Variants in AGBL1 observed in about 807,000 individuals in gnomAD.
AGBL1 encodes cytosolic carboxypeptidase 4.
Under a neutral mutation model 118.9 loss-of-function variants are expected in AGBL1, and 130 were observed. The observed-to-expected ratio is 1.09, with a 90% CI of 0.95 to 1.26. AGBL1 has a LOEUF of 1.26. Ranked by LOEUF, AGBL1 falls within the 50% of genes most tolerant of loss-of-function variation. The pLI is 0.00. For synonymous variants in AGBL1, 555 were observed against 478.9 expected (o/e 1.16, Z -2.08); for missense variants, 1,584 against 1,298.1 (o/e 1.22, Z -3.38).
At chr15:86,393,840 T>C (rs2081323521) in intron 17 of AGBL1, among the ~76,000 whole-genome samples, 2 of 152,060 alleles carry the variant, frequency 1.3e-5, no homozygotes, top group Non-Finnish European at 1.5e-5. Flanking sequence ...CCTTTGGAAG[T>C]TGATTAGGTC....
intron 3 of AGBL1, among the ~76,000 whole-genome samples, chr15:86,153,925 C>T (rs6496309): frequency 0.13 from 19,250 of 152,110 alleles, 1,492 homozygotes; most frequent in East Asian, 0.23. Context: ...TACATAATCA[C>T]AATACCATTA....
rs141702782 is a variant in AGBL1 at position 86,437,401 on chromosome 15, C to T, written c.2555+39855C>T. ...AGGAGGCACTGCTCCTGCTTCAGAGCTCCATTATGTTACCATTATGAGACA... is the reference window on the plus strand; with the variant it reads ...AGGAGGCACTGCTCCTGCTTCAGAGTTCCATTATGTTACCATTATGAGACA... On this transcript the variant is annotated intron_variant, in intron 18 of 22. Coordinates refer to ENST00000614907, the MANE Select transcript of AGBL1 (RefSeq NM_001386094.1). Among the ~76,000 whole-genome samples the T allele has an allele frequency of 3.5e-4, 53 of 152,270 alleles. No homozygotes were observed. The East Asian group carries it at 8.9e-3, about 26-fold the overall frequency.
chr15:86,459,991 A>C (rs75888586), intron 18 of AGBL1, among the ~76,000 whole-genome samples: 3,428 of 152,166 alleles, frequency 0.023, 52 homozygotes, highest in Middle Eastern at 0.082. Flanking sequence ...ATTGATGGCA[A>C]AATCTTCCTG....
chr15:86,280,408 C>T (rs1386888641), intron 16 of AGBL1, among the ~76,000 whole-genome samples: 1 of 152,154 alleles, frequency 6.6e-6, no homozygotes, highest in East Asian at 1.9e-4. Flanking sequence ...GTTAGCATTC[C>T]TGTGTACCAT....
downstream of AGBL1, among the ~76,000 whole-genome samples, chr15:86,918,272 G>A (rs375273937): frequency 4.6e-5 from 7 of 152,180 alleles, no homozygotes; most frequent in Non-Finnish European, 1.0e-4. Flanking sequence ...AACAAAGTCT[G>A]GGAGATAGTT....
chr15:86,450,616 T>C (rs1295142730), intron 18 of AGBL1, among the ~76,000 whole-genome samples: 1 of 152,200 alleles, frequency 6.6e-6, no homozygotes, highest in Non-Finnish European at 1.5e-5. Flanking sequence ...ACTACTACTA[T>C]TTAAGAATAG....
downstream of AGBL1, among the ~76,000 whole-genome samples, chr15:87,031,216 CATTTTTTTCCTT>C (rs2081779353): frequency 6.6e-6 from 1 of 151,890 alleles, no homozygotes; most frequent in Non-Finnish European, 1.5e-5. Flanking sequence ...TATTTTGTCT[CATTTTTTTCCTT>C]AATTTTTTTA....
At chr15:86,529,723 C>A (rs1438057693) in intron 19 of AGBL1, among the ~76,000 whole-genome samples, 3 of 151,572 alleles carry the variant, frequency 2.0e-5, no homozygotes, top group Non-Finnish European at 4.4e-5. Flanking sequence ...GTCAGGTTAC[C>A]CTCAAAGGGA....
chr15:86,271,785 A>G lies in AGBL1; in HGVS notation c.2075+79A>G, dbSNP rs554257374. On this transcript the variant is annotated intron_variant, in intron 15 of 22. Coordinates refer to ENST00000614907, the MANE Select transcript of AGBL1 (RefSeq NM_001386094.1). The stretch of plus-strand genomic sequence containing the variant: ...TTTCCCACTTTTCCATATTGATCTT[A>G]TAAACATCAGCAATCTGTGCTTGTC... 341 of 1,331,250 alleles carry G rather than the reference A, an allele frequency of 2.6e-4. 1 individual carries two copies. The Middle Eastern group carries it at 5.4e-3, about 21-fold the overall frequency. 82.5% of individuals were successfully genotyped at this position (1,331,250 alleles called of 1,614,324 possible).
chr15:86,427,113 A>G (rs967821270), intron 18 of AGBL1, among the ~76,000 whole-genome samples: 2 of 152,172 alleles, frequency 1.3e-5, no homozygotes, highest in Non-Finnish European at 2.9e-5. Flanking sequence ...AAGAAAAAAA[A>G]ATTGACTTCA....
Position 86,279,724 on chromosome 15 carries a change from C to T in AGBL1, c.2161C>T (p.His721Tyr), listed in dbSNP as rs756267194. 1 of 1,613,788 alleles carries T rather than the reference C, an allele frequency of 6.2e-7. No homozygotes were observed. Among genetic ancestry groups the T allele is most frequent in the Non-Finnish European group, 8.5e-7 (1 of 1,179,732 alleles). ...CCTCACCTTTGCTGTCACCTTCCCA[C>T]ACAGTGAGGATGTCTGCTACCTGGC... ...YTLTFAVTFP[H>Y]SEDVCYLAYH... Residue 721 changes from histidine to tyrosine, a missense_variant, in exon 16 of 23, where the codon CAC becomes TAC. Coordinates refer to ENST00000614907, the MANE Select transcript of AGBL1 (RefSeq NM_001386094.1).
intron 5 of AGBL1, among the ~76,000 whole-genome samples, chr15:86,175,000 A>G (rs909600042): frequency 3.3e-5 from 5 of 152,078 alleles, no homozygotes; most frequent in African/African-American, 1.2e-4. Context: ...TTTCAGTATT[A>G]GGGTAATGCT....
chr15:86,480,992 C>T (rs1247198464), intron 18 of AGBL1, among the ~76,000 whole-genome samples: 1 of 151,842 alleles, frequency 6.6e-6, no homozygotes, highest in Non-Finnish European at 1.5e-5. Context: ...TTTTCTCCTG[C>T]CATTTAAGGC....
At chr15:86,626,290 A>C (rs1315527657) in intron 21 of AGBL1, among the ~76,000 whole-genome samples, 1 of 152,216 alleles carries the variant, frequency 6.6e-6, no homozygotes, top group Non-Finnish European at 1.5e-5. Flanking sequence ...GGATAAAGAA[A>C]ATGTGGTATA....
chr15:86,241,263 G>C (rs567151166), intron 6 of AGBL1, among the ~76,000 whole-genome samples: 20 of 152,260 alleles, frequency 1.3e-4, no homozygotes, highest in African/African-American at 4.6e-4. Context: ...TTGGTGAAGG[G>C]TATGTGAAAT....
chr15:86,775,236 G>A (rs2078238051), intron 22 of AGBL1, among the ~76,000 whole-genome samples: 1 of 152,120 alleles, frequency 6.6e-6, no homozygotes, highest in Admixed American at 6.6e-5. Flanking sequence ...AGAAAGTGAT[G>A]GTGGCTCAAT....
At chr15:86,969,691 A>G (rs1336167543) in intron 23 of AGBL1, among the ~76,000 whole-genome samples, 1 of 151,978 alleles carries the variant, frequency 6.6e-6, no homozygotes, top group Non-Finnish European at 1.5e-5. Context: ...GTACATATAT[A>G]TCTGCAGATA....
chr15:86,495,954 A>G (rs12148060), intron 18 of AGBL1, among the ~76,000 whole-genome samples: 4,837 of 151,374 alleles, frequency 0.032, 123 homozygotes, highest in African/African-American at 0.072. Flanking sequence ...CCTCAATTCT[A>G]TTTCACCCCC....
At chr15:86,888,553 C>T (rs1365066986) in intron 22 of AGBL1, among the ~76,000 whole-genome samples, 1 of 152,066 alleles carries the variant, frequency 6.6e-6, no homozygotes, top group Non-Finnish European at 1.5e-5. Context: ...CAACGAAGAT[C>T]TAGGTATAAA....
Sources: gnomAD v4.1 joint callset for allele counts (sites outside exome capture counted in the v4.1 genomes callset) on GRCh38, gnomAD v4.1.1 for gene constraint, MANE v1.5 for transcripts, NCBI Gene and HGNC (gene_info 2026-07-23, HGNC 2026-07-21) for gene names.